PLEKHH2: variants seen among roughly 807,000 people sequenced by gnomAD.
The protein encoded by PLEKHH2 is pleckstrin homology, MyTH4 and FERM domain containing H2.
In PLEKHH2, 129 loss-of-function variants were observed where a neutral mutation model predicts 187.9. The ratio of observed to expected loss-of-function variants is 0.69; its 90% CI spans 0.59 to 0.79. PLEKHH2 has a LOEUF of 0.79. Among genes scored for constraint, PLEKHH2 ranks in the 30% least tolerant of loss-of-function variants. PLEKHH2 has a pLI of 0.00. For missense variants in PLEKHH2, 2,076 were observed against 1,751.2 expected, an observed-to-expected ratio of 1.19 and a Z score of -3.31; for synonymous variants, 686 against 605.6, an observed-to-expected ratio of 1.13 and a Z score of -1.95.
chr2:43,644,802 C>T lies in PLEKHH2; in HGVS notation c.123+6C>T, dbSNP rs754724676. ...GAGAGCTTTTAGCAGAGAAGGTAAG[C>T]TTTCTCCCTAAGCTTTGTTATTAAA... is the stretch of plus-strand genomic sequence containing the variant. On this transcript the variant is annotated splice_donor_region_variant and intron_variant, in intron 2 of 29. Coordinates refer to ENST00000282406, the MANE Select transcript of PLEKHH2 (RefSeq NM_172069.4). 2 of 1,601,444 alleles carry T rather than the reference C, an allele frequency of 1.2e-6. No homozygotes were observed. Among genetic ancestry groups the T allele is most frequent in the Admixed American group, 1.7e-5 (1 of 58,322 alleles).
At chr2:43,692,391 G>A (rs1668843467) in intron 3 of PLEKHH2, 123 bp from the exon 4 acceptor site, 1 of 736,410 alleles carries the variant, frequency 1.4e-6, no homozygotes, top group East Asian at 2.8e-5. Flanking sequence ...AAACCTTGCT[G>A]TTTAATATTT....
intron 3 of PLEKHH2, among the ~76,000 whole-genome samples, chr2:43,688,602 T>C (rs1558493012): frequency 6.6e-6 from 1 of 152,212 alleles, no homozygotes. Context: ...GGAAGCTGTA[T>C]TGGGATCCCC....
chr2:43,717,143 CA>C (rs1670251860), intron 15 of PLEKHH2, among the ~76,000 whole-genome samples: 1 of 152,182 alleles, frequency 6.6e-6, no homozygotes, highest in South Asian at 2.1e-4. Flanking sequence ...GTGGGCCAAG[CA>C]TGGTGGCTCA....
intron 8 of PLEKHH2, among the ~76,000 whole-genome samples, chr2:43,703,730 T>C (rs1158594052): frequency 6.6e-6 from 1 of 152,174 alleles, no homozygotes; most frequent in Admixed American, 6.5e-5. Context: ...GTCTTCAAAA[T>C]AATTTATCAA....
At chr2:43,704,505 C>CA (rs1669549023) in intron 9 of PLEKHH2, among the ~76,000 whole-genome samples, 1 of 150,740 alleles carries the variant, frequency 6.6e-6, no homozygotes. Context: ...ACTAAAAATA[C>CA]AAAAAAAATT....
chr2:43,641,970 A>C (rs1378245038), intron 1 of PLEKHH2, among the ~76,000 whole-genome samples: 1 of 152,194 alleles, frequency 6.6e-6, no homozygotes, highest in East Asian at 1.9e-4. Context: ...CAGCCCTTGA[A>C]TTTCCAGGCA....
At chr2:43,741,842 A>G (rs1002518323) in intron 21 of PLEKHH2, among the ~76,000 whole-genome samples, 2 of 152,222 alleles carry the variant, frequency 1.3e-5, no homozygotes, top group African/African-American at 4.8e-5. Flanking sequence ...ATCTGCTTGA[A>G]TAAGCAGTAA....
At chr2:43,697,100 A>T in intron 6 of PLEKHH2, 71 bp from the exon 7 acceptor site, 2 of 1,279,170 alleles carry the variant, frequency 1.6e-6, no homozygotes, top group Non-Finnish European at 2.1e-6. Flanking sequence ...AAGTTTTTAT[A>T]TGCCTTGGTT....
At chr2:43,715,840 G>A (rs1243278210) in intron 15 of PLEKHH2, among the ~76,000 whole-genome samples, 2 of 152,168 alleles carry the variant, frequency 1.3e-5, no homozygotes, top group Non-Finnish European at 2.9e-5. Context: ...AAGAGTGCTG[G>A]AGGGCTGGAT....
At chr2:43,761,327 T>C (rs139923669) in intron 27 of PLEKHH2, among the ~76,000 whole-genome samples, 36 of 152,106 alleles carry the variant, frequency 2.4e-4, no homozygotes, top group African/African-American at 8.2e-4. Flanking sequence ...TGGGTTTCAG[T>C]TGGGTTCTAG....
At position 43,692,631 on chromosome 2, in the gene PLEKHH2, A is replaced by G. The variant is rs1668859647; in HGVS notation, c.304A>G (p.Ile102Val). The stretch of plus-strand genomic sequence containing the variant: ...GCTAATACAGGAAAAAGATGACGTC[A>G]TTCAAAACTTGGAATTGCAACTTGA... ...ESLIQEKDDV[I>V]QNLELQLEEQ... The change falls in exon 4 of 30, where the codon ATT becomes GTT. Residue 102 changes from isoleucine to valine, a missense_variant. By Grantham distance (29) the Ile-to-Val change is conservative (BLOSUM62 3). Coordinates refer to ENST00000282406, the MANE Select transcript of PLEKHH2 (RefSeq NM_172069.4). The G allele has an allele frequency of 6.2e-7, 1 of 1,613,552 alleles. No homozygotes were observed.
intron 1 of PLEKHH2, among the ~76,000 whole-genome samples, chr2:43,638,202 G>C (rs552751470): frequency 2.6e-5 from 4 of 151,898 alleles, no homozygotes; most frequent in African/African-American, 9.7e-5. Flanking sequence ...TGGTCAGAAG[G>C]TTCCTTAAAC....
intron 2 of PLEKHH2, among the ~76,000 whole-genome samples, chr2:43,647,828 C>T (rs139052798): frequency 3.8e-4 from 58 of 152,216 alleles, no homozygotes; most frequent in Admixed American, 1.7e-3. Context: ...GCTCTTTGCC[C>T]GGAATTGTGG....
At chr2:43,726,651 T>G (rs1206497583) in intron 17 of PLEKHH2, among the ~76,000 whole-genome samples, 200 bp downstream of exon 17, 2 of 151,974 alleles carry the variant, frequency 1.3e-5, no homozygotes, top group East Asian at 3.9e-4. Context: ...TTGGTAAGAG[T>G]GGTATCAAGG....
intron 2 of PLEKHH2, among the ~76,000 whole-genome samples, chr2:43,655,646 T>C (rs1484675320): frequency 3.3e-5 from 5 of 152,180 alleles, no homozygotes; most frequent in Non-Finnish European, 7.3e-5. Context: ...GAGAAAGAAC[T>C]AGTGGTTTTT....
At chr2:43,764,402 G>A (rs1376198332) in intron 29 of PLEKHH2, 37 bp downstream of exon 29, 1 of 1,599,688 alleles carries the variant, frequency 6.3e-7, no homozygotes, top group East Asian at 2.3e-5. Flanking sequence ...TTTTGTCCTA[G>A]TTGTTTTCAC....
At chr2:43,744,191 T>G in intron 23 of PLEKHH2, 1 of 1,144,674 alleles carries the variant, frequency 8.7e-7, no homozygotes, top group South Asian at 2.7e-5. Flanking sequence ...CATATACACA[T>G]TCCATATTAA....
At chr2:43,659,346 C>A (rs1666952520) in intron 2 of PLEKHH2, among the ~76,000 whole-genome samples, 1 of 151,748 alleles carries the variant, frequency 6.6e-6, no homozygotes, top group Non-Finnish European at 1.5e-5. Flanking sequence ...TGTTTAACAC[C>A]TCCCTGCTGT....
At chr2:43,680,931 C>G in intron 3 of PLEKHH2, 2 of 775,010 alleles carry the variant, frequency 2.6e-6, no homozygotes, top group East Asian at 3.0e-5. Context: ...TCCAGGGCCA[C>G]TTTAGTTGCA....
Sources: gnomAD v4.1 joint callset for allele counts (sites outside exome capture counted in the v4.1 genomes callset) on GRCh38, gnomAD v4.1.1 for gene constraint, MANE v1.5 for transcripts, NCBI Gene and HGNC (gene_info 2026-07-23, HGNC 2026-07-21) for gene names.